CELSR1: variants seen among roughly 807,000 people sequenced by gnomAD.
CELSR1 encodes cadherin EGF LAG seven-pass G-type receptor 1.
A neutral mutation model predicts 249.1 loss-of-function variants in CELSR1; 110 were observed. The observed-to-expected ratio is 0.44, with a 90% confidence interval of 0.38 to 0.52. The LOEUF is 0.52. Among genes scored for constraint, CELSR1 ranks in the 20% least tolerant of loss-of-function variants. The pLI is 0.00. For synonymous variants in CELSR1, 2,113 were observed against 1,900.0 expected, an observed-to-expected ratio of 1.11 and a Z score of -2.92; for missense variants, 4,109 against 4,296.4, an observed-to-expected ratio of 0.96 and a Z score of 1.22.
rs7289491 is a variant in CELSR1 at position 46,417,299 on chromosome 22, C to G, written c.4612-5540G>C. On this transcript the variant is annotated intron_variant, in intron 5 of 34. Transcript: ENST00000674500. This position sits in a 1 kb window ranked among gnomAD's most constrained non-coding sequence, Gnocchi z 4.1. ...AAGTGGTGGGAAGGGTCACGAGGAGCAAATTCACGCAGATGCACGCAGCCT... is the reference window on the plus strand; with the variant it reads ...AAGTGGTGGGAAGGGTCACGAGGAGGAAATTCACGCAGATGCACGCAGCCT... Among the ~76,000 whole-genome samples the G allele has an allele frequency of 2.6e-5, 4 of 152,304 alleles. No homozygotes were observed. In the East Asian group the frequency reaches 7.7e-4, roughly 29 times the overall value.
At chr22:46,405,700 G>A (rs8137341) in intron 9 of CELSR1, among the ~76,000 whole-genome samples, 3,607 of 152,174 alleles carry the variant, frequency 0.024, 133 homozygotes, top group African/African-American at 0.082. Flanking sequence ...TTGGGTGCCC[G>A]AGAGCAATTA....
chr22:46,372,061 ACCCATCCACTAAT>A (rs1427559394), intron 25 of CELSR1, among the ~76,000 whole-genome samples: 2 of 134,620 alleles, frequency 1.5e-5, no homozygotes, highest in Non-Finnish European at 3.2e-5. Flanking sequence ...CCATCTACCC[ACCCATCCACTAAT>A]CCCATCCCTC....
At chr22:46,486,734 T>C (rs2080316523) in intron 1 of CELSR1, among the ~76,000 whole-genome samples, 1 of 151,638 alleles carries the variant, frequency 6.6e-6, no homozygotes, top group Non-Finnish European at 1.5e-5. Context: ...TTCCAGCTAC[T>C]CGGGAGGCTG....
rs939583922 is a variant in CELSR1, at chr22:46,391,522, G to A, written c.6148+111C>T. ...AGAAGGTCAAGAGAACTCAGAACACGAGGGAGCCCAGGGTCCCCCAAACAC... is the reference window on the plus strand; with the variant it reads ...AGAAGGTCAAGAGAACTCAGAACACAAGGGAGCCCAGGGTCCCCCAAACAC... On this transcript the variant is annotated intron_variant, in intron 15 of 34. Coordinates refer to ENST00000674500, the MANE Select transcript of CELSR1 (RefSeq NM_001378328.1). This position sits in a 1 kb window ranked among gnomAD's most constrained non-coding sequence, Gnocchi z 4.3. 349 of 1,276,974 alleles carry A rather than the reference G, an allele frequency of 2.7e-4. 3 individuals are homozygous for A. Among genetic ancestry groups the A allele is most frequent in the Admixed American group, 5.7e-5 (2 of 35,120 alleles). The allele number at this position is 1,276,974 out of a possible 1,614,324, so 79.1% of individuals were successfully genotyped here.
At position 46,489,520 on chromosome 22, in the gene CELSR1, G is replaced by C. The variant is rs568865516; in HGVS notation, c.3545-25175C>G. Among the ~76,000 whole-genome samples, 19 of 152,200 alleles carry C rather than the reference G, an allele frequency of 1.2e-4. No homozygotes were observed. In the South Asian group the frequency reaches 2.9e-3, roughly 23 times the overall value. ...ATTCTGAGGGCCCCTGGTGGCCCCA[G>C]ACTGCCCCTAACTAAGAGGAGAGAC... is the stretch of plus-strand genomic sequence containing the variant. On this transcript the variant is annotated intron_variant, in intron 1 of 34. Coordinates refer to ENST00000674500, the MANE Select transcript of CELSR1 (RefSeq NM_001378328.1).
At chr22:46,485,743 C>T (rs539660044) in intron 1 of CELSR1, among the ~76,000 whole-genome samples, 10 of 152,272 alleles carry the variant, frequency 6.6e-5, no homozygotes, top group African/African-American at 1.9e-4. Flanking sequence ...TGCACAGTGC[C>T]TCCCACAGTC....
intron 25 of CELSR1, among the ~76,000 whole-genome samples, chr22:46,372,194 A>C (rs2078860045): frequency 2.5e-5 from 3 of 120,880 alleles, no homozygotes; most frequent in Admixed American, 8.3e-5. Context: ...CCATCTACTC[A>C]CTCACCCCTC....
rs1363671280 is a variant in CELSR1, at chr22:46,533,954, C to T, written c.3217G>A (p.Val1073Met). The change falls in exon 1 of 35, where the codon GTG (valine) becomes ATG (methionine). Residue 1073 changes from valine to methionine, a missense_variant. Val to Met is a conservative substitution (Grantham distance 21). Coordinates refer to ENST00000674500, the MANE Select transcript of CELSR1 (RefSeq NM_001378328.1). ...DFEVRREYVL[V>M]VQATSAPLVS... ...AGCGGAGCCGACGTGGCCTGCACCACCAGCACATACTCCCGCCGGACCTCA... is the reference window on the plus strand; with the variant it reads ...AGCGGAGCCGACGTGGCCTGCACCATCAGCACATACTCCCGCCGGACCTCA... 2 of 1,613,364 alleles carry T rather than the reference C, an allele frequency of 1.2e-6. No homozygotes were observed. The highest frequency in any genetic ancestry group is 1.7e-6 in the Non-Finnish European group (2 of 1,180,030).
At chr22:46,385,808 G>T (rs1431674011) in intron 19 of CELSR1, among the ~76,000 whole-genome samples, 2 of 151,670 alleles carry the variant, frequency 1.3e-5, no homozygotes, top group African/African-American at 4.8e-5. Context: ...CTCCCGAGTA[G>T]CTGGGACTAC....
chr22:46,442,268 T>C (rs1171163240), intron 2 of CELSR1, among the ~76,000 whole-genome samples: 2 of 152,264 alleles, frequency 1.3e-5, no homozygotes, highest in Non-Finnish European at 2.9e-5. Context: ...GGCTCACAGC[T>C]GAGACCCTGC....
At chr22:46,528,807 T>C (rs2080763948) in intron 1 of CELSR1, among the ~76,000 whole-genome samples, 1 of 151,496 alleles carries the variant, frequency 6.6e-6, no homozygotes, top group African/African-American at 2.4e-5. Context: ...CGGGCGCCTG[T>C]AGTCCCAGCT....
chr22:46,419,409 TG>T (rs1302437327), intron 5 of CELSR1, among the ~76,000 whole-genome samples: 1 of 152,178 alleles, frequency 6.6e-6, no homozygotes, highest in African/African-American at 2.4e-5. Context: ...TGTTCCTCTA[TG>T]GGTGGGAGGC....
intron 2 of CELSR1, among the ~76,000 whole-genome samples, chr22:46,444,951 A>G (rs1274095700): frequency 6.6e-6 from 1 of 152,216 alleles, no homozygotes; most frequent in Non-Finnish European, 1.5e-5. Flanking sequence ...CGTGCCTGTA[A>G]TCCCAGCACT....
chr22:46,403,980 A>G (rs2079236702), intron 9 of CELSR1, among the ~76,000 whole-genome samples: 1 of 151,342 alleles, frequency 6.6e-6, no homozygotes, highest in Non-Finnish European at 1.5e-5. Flanking sequence ...TCAAAAAAAA[A>G]AAAAAAAAAA....
Position 46,412,740 on chromosome 22 carries a change from C to T in CELSR1, c.4612-981G>A, listed in dbSNP as rs1013929292. 2.7e-4 allele frequency among the ~76,000 whole-genome samples: 41 copies of T among 152,244 alleles called. 1 individual carries two copies. Among genetic ancestry groups the T allele is most frequent in the Admixed American group, 2.4e-3 (37 of 15,288 alleles). ...AGGAGGAAAAGCAGCACCCGCCCTA[C>T]ACAATCCATGCTGGCCACGGAACTT... is the stretch of plus-strand genomic sequence containing the variant. On this transcript the variant is annotated intron_variant, in intron 5 of 34. Transcript: ENST00000674500. This position sits in a 1 kb window ranked among gnomAD's most constrained non-coding sequence, Gnocchi z 4.5.
Position 46,434,853 on chromosome 22 carries a change from C to T in CELSR1, c.4522+1321G>A, listed in dbSNP as rs978815861. ...CTCTACTAAAAATACAAAAATTAGC[C>T]GGGCATGGTGAAACGTGCCTGTATT... On this transcript the variant is annotated intron_variant, in intron 4 of 34. Transcript: ENST00000674500. This position sits in a 1 kb window ranked among gnomAD's most constrained non-coding sequence, Gnocchi z 4.9. Among the ~76,000 whole-genome samples the T allele has an allele frequency of 1.3e-4, 19 of 151,986 alleles. No homozygotes were observed. Among genetic ancestry groups the T allele is most frequent in the Admixed American group, 3.3e-4 (5 of 15,256 alleles).
At position 46,436,545 on chromosome 22, in the gene CELSR1, A is replaced by G. The variant is rs924218668; in HGVS notation, c.4407-256T>C. On this transcript the variant is annotated intron_variant, in intron 3 of 34. Transcript: ENST00000674500. This position sits in a 1 kb window ranked among gnomAD's most constrained non-coding sequence, Gnocchi z 5.9. ...GCCTGTAGAATGCAAAAAATATCCC[A>G]TTTGCACAACATGCTACAAGTACGA... 2.0e-5 allele frequency among the ~76,000 whole-genome samples: 3 copies of G among 152,054 alleles called. No homozygotes were observed. Among genetic ancestry groups the G allele is most frequent in the African/African-American group, 7.3e-5 (3 of 41,372 alleles).
At position 46,363,106 on chromosome 22, in the gene CELSR1, C is replaced by A; in HGVS notation, c.*117G>T. The stretch of plus-strand genomic sequence containing the variant: ...GCCACACTCTGGGCCCACTCCACTT[C>A]AAGGGCAGTGGCCCCTTGGGCTCCA... On this transcript the variant is annotated 3_prime_UTR_variant, in exon 35 of 35. Transcript: ENST00000674500. This position sits in a 1 kb window ranked among gnomAD's most constrained non-coding sequence, Gnocchi z 4.3. 6.2e-7 allele frequency: 1 copy of A among 1,609,100 alleles called. No individual in the cohort carries two copies. The highest frequency in any genetic ancestry group is 2.2e-5 in the East Asian group (1 of 44,866).
chr22:46,457,174 GTC>G (rs2079965490), intron 2 of CELSR1, among the ~76,000 whole-genome samples: 1 of 152,150 alleles, frequency 6.6e-6, no homozygotes, highest in African/African-American at 2.4e-5. Context: ...GTAAAACCCT[GTC>G]TCTACTAAAA....
Sources: gnomAD v4.1 joint callset for allele counts (sites outside exome capture counted in the v4.1 genomes callset) on GRCh38, gnomAD v4.1.1 for gene constraint, Gnocchi (gnomAD v3.1) non-coding constraint, MANE v1.5 for transcripts, NCBI Gene and HGNC (gene_info 2026-07-23, HGNC 2026-07-21) for gene names.